Variants in ZFAND5 observed in about 807,000 individuals in gnomAD.
ZFAND5 encodes AN1-type zinc finger protein 5.
ZFAND5 carries 4 observed loss-of-function variants against 23.6 expected under a neutral mutation model. The observed-to-expected ratio is 0.17, with a 90% CI of 0.08 to 0.39. The LOEUF (loss-of-function observed/expected upper bound fraction) is 0.39. Ranked by LOEUF, ZFAND5 falls within the 10% of genes least tolerant of loss-of-function variation. The pLI is 1.00. For synonymous variants in ZFAND5, 68 were observed against 80.6 expected, an observed-to-expected ratio of 0.84 and a Z score of 0.84; for missense variants, 161 against 253.7, an observed-to-expected ratio of 0.63 and a Z score of 2.48.
chr9:72,362,731 T>TC (rs1022164951), intron 2 of ZFAND5, among the ~76,000 whole-genome samples: 1 of 152,176 alleles, frequency 6.6e-6, no homozygotes, highest in Non-Finnish European at 1.5e-5. Context: ...TAGATTTTTT[T>TC]CCCCTAGAAA....
In ZFAND5 at chr9:72,355,341, T is replaced by C. The variant is rs1841914064; in HGVS notation, c.*612A>G. 1 of 152,692 alleles carries C rather than the reference T, an allele frequency of 6.5e-6. No homozygotes were observed. Among genetic ancestry groups the C allele is most frequent in the Non-Finnish European group, 1.5e-5 (1 of 68,068 alleles). 9.5% of individuals were successfully genotyped at this position (152,692 alleles called of 1,614,324 possible). A position where few individuals can be genotyped will look rare whatever the true frequency, so the allele number is the denominator to read the frequency against. On this transcript the variant is annotated 3_prime_UTR_variant, in exon 7 of 7. Transcript: ENST00000376962. ...CTTGATGGTTTTACTTATAACCAGT[T>C]TCGATGTTTACCTTTCACAGAATGT...
In ZFAND5 at chr9:72,360,220, T is replaced by C. The variant is rs2809270; in HGVS notation, c.153A>G (p.Gly51=). 1,591,945 of 1,608,342 alleles carry C rather than the reference T, an allele frequency of 0.99. 789,180 individuals are homozygous for C. The highest frequency in any genetic ancestry group is 1 in the Non-Finnish European group (1,177,795 of 1,177,970). Residue 51 remains glycine, a splice_region_variant and synonymous_variant, in exon 4 of 7, where the codon GGA becomes GGG. Coordinates refer to ENST00000376962, the MANE Select transcript of ZFAND5 (RefSeq NM_001102420.3). ...QQNSGRMSPM[G]TASGSNSPTS... ...TAGGACTGTTGGAACCACTAGCTGT[T>C]CCTATTTAAAAAAAGGATTTGTAAG...
intron 5 of ZFAND5, among the ~76,000 whole-genome samples, chr9:72,358,978 C>T (rs961375718): frequency 5.0e-4 from 3 of 6,040 alleles, no homozygotes; most frequent in Admixed American, 8.3e-3. Context: ...TTTCAAACTC[C>T]CACAAAATAT....
chr9:72,361,921 C>T (rs565991893), intron 2 of ZFAND5, among the ~76,000 whole-genome samples: 1 of 152,170 alleles, frequency 6.6e-6, no homozygotes, highest in Non-Finnish European at 1.5e-5. Context: ...TTTTTTCCAA[C>T]TACATACTAG....
rs143157420 is a variant in ZFAND5, at chr9:72,354,919, A to G, written c.*1034T>C. 1.2e-3 allele frequency: 177 copies of G among 152,770 alleles called. No homozygotes were observed. Among genetic ancestry groups the G allele is most frequent in the African/African-American group, 4.1e-3 (172 of 41,582 alleles). The allele number at this position is 152,770 out of a possible 1,614,324, so 9.5% of individuals were successfully genotyped here. On this transcript the variant is annotated 3_prime_UTR_variant, in exon 7 of 7. Coordinates refer to ENST00000376962, the MANE Select transcript of ZFAND5 (RefSeq NM_001102420.3). ...ACACTAGAGTCCTACACCCAAGTAC[A>G]ATATGATAAAGCAGCCCTCTGCAAG...
rs1439967452 is a variant in ZFAND5 at position 72,359,414 on chromosome 9, A to G, written c.367+4T>C. ...ACTGAACAAGTATTAAATGAAAAACATACCTGGCTCTGACACCTCTGTTTT... is the reference window on the plus strand; with the variant it reads ...ACTGAACAAGTATTAAATGAAAAACGTACCTGGCTCTGACACCTCTGTTTT... On this transcript the variant is annotated splice_donor_region_variant and intron_variant, in intron 5 of 6. Coordinates refer to ENST00000376962, the MANE Select transcript of ZFAND5 (RefSeq NM_001102420.3). The G allele has an allele frequency of 1.9e-5, 31 of 1,611,844 alleles. No individual in the cohort carries two copies. The highest frequency in any genetic ancestry group is 2.6e-5 in the Non-Finnish European group (31 of 1,179,346).
At chr9:72,361,478 C>A (rs764846371) in intron 2 of ZFAND5, among the ~76,000 whole-genome samples, 26 of 152,328 alleles carry the variant, frequency 1.7e-4, no homozygotes, top group Non-Finnish European at 3.5e-4. Flanking sequence ...TGCCTAGGAA[C>A]CTGCAATACA....
Position 72,351,839 on chromosome 9 carries a change from CT to C in ZFAND5, c.*4113del, listed in dbSNP as rs1841781775. Reference sequence around the variant, plus strand: ...ACAGGGGAAACTGTATTTCCAGTTTCTTTTTGTTAACAGCCTGTTGCCTCAC... The same window carrying C: ...ACAGGGGAAACTGTATTTCCAGTTTCTTTTGTTAACAGCCTGTTGCCTCAC... On this transcript the variant is annotated 3_prime_UTR_variant, in exon 7 of 7. Coordinates refer to ENST00000376962, the MANE Select transcript of ZFAND5 (RefSeq NM_001102420.3). 2 of 152,126 alleles carry C rather than the reference CT, an allele frequency of 1.3e-5. No individual in the cohort carries two copies. The highest frequency in any genetic ancestry group is 1.3e-4 in the Admixed American group (2 of 15,280). The allele number at this position is 152,126 out of a possible 1,614,324, so 9.4% of individuals were successfully genotyped here. A position where few individuals can be genotyped will look rare whatever the true frequency, so the allele number is the denominator to read the frequency against.
rs1173924993 is a variant in ZFAND5, at chr9:72,355,186, T to C, written c.*767A>G. 2 of 152,662 alleles carry C rather than the reference T, an allele frequency of 1.3e-5. No individual in the cohort carries two copies. Among genetic ancestry groups the C allele is most frequent in the African/African-American group, 2.4e-5 (1 of 41,466 alleles). The allele number at this position is 152,662 out of a possible 1,614,324, so 9.5% of individuals were successfully genotyped here. A position where few individuals can be genotyped will look rare whatever the true frequency, so the allele number is the denominator to read the frequency against. Reference sequence around the variant, plus strand: ...TGAAAACCAAACGTAGAGTTTAAATTTCTTCTTGTAAACAAATTAATCCTA... The same window carrying C: ...TGAAAACCAAACGTAGAGTTTAAATCTCTTCTTGTAAACAAATTAATCCTA... On this transcript the variant is annotated 3_prime_UTR_variant, in exon 7 of 7. Coordinates refer to ENST00000376962, the MANE Select transcript of ZFAND5 (RefSeq NM_001102420.3).
Position 72,352,907 on chromosome 9 carries a change from G to C in ZFAND5, c.*3046C>G, listed in dbSNP as rs757899326. ...CCTAAAATAACTTGCCCAAAATCACGGGCTGGTTCCAGGGTCCCTCATCTT... is the reference window on the plus strand; with the variant it reads ...CCTAAAATAACTTGCCCAAAATCACCGGCTGGTTCCAGGGTCCCTCATCTT... On this transcript the variant is annotated 3_prime_UTR_variant, in exon 7 of 7. Coordinates refer to ENST00000376962, the MANE Select transcript of ZFAND5 (RefSeq NM_001102420.3). 1 of 152,198 alleles carries C rather than the reference G, an allele frequency of 6.6e-6. No individual in the cohort carries two copies. The highest frequency in any genetic ancestry group is 2.1e-4 in the South Asian group (1 of 4,824). The allele number at this position is 152,198 out of a possible 1,614,324, so 9.4% of individuals were successfully genotyped here.
At chr9:72,364,400 C>A in intron 1 of ZFAND5, 1 of 1,196,650 alleles carries the variant, frequency 8.4e-7, no homozygotes, top group Non-Finnish European at 1.1e-6. Context: ...GGCGCCGCCG[C>A]GGAGGCGAGC....
rs796420032 is a variant in ZFAND5 at position 72,362,975 on chromosome 9, A to C, written c.-10+495T>G. ...CAAGAACTAAGGATGCAGCGTTCAT[A>C]TATCTAACATAAGAAAACAAAAAAA... On this transcript the variant is annotated intron_variant, in intron 2 of 6. Transcript: ENST00000376962. Among the ~76,000 whole-genome samples the C allele has an allele frequency of 2.6e-5, 4 of 152,338 alleles. 1 individual carries two copies. Among genetic ancestry groups the C allele is most frequent in the African/African-American group, 9.6e-5 (4 of 41,572 alleles).
chr9:72,354,031 ATG>A lies in ZFAND5; in HGVS notation c.*1920_*1921del, dbSNP rs1841861149. On this transcript the variant is annotated 3_prime_UTR_variant, in exon 7 of 7. Coordinates refer to ENST00000376962, the MANE Select transcript of ZFAND5 (RefSeq NM_001102420.3). ...ATGTACCTGTCACCCCTTGTTCTTTATGATCTGGCATAAACGCTACAGAGACC... is the reference window on the plus strand; with the variant it reads ...ATGTACCTGTCACCCCTTGTTCTTTAATCTGGCATAAACGCTACAGAGACC... 1.3e-5 allele frequency: 2 copies of A among 152,318 alleles called. No homozygotes were observed. The highest frequency in any genetic ancestry group is 1.9e-4 in the East Asian group (1 of 5,190). The allele number at this position is 152,318 out of a possible 1,614,324, so 9.4% of individuals were successfully genotyped here. A position where few individuals can be genotyped will look rare whatever the true frequency, so the allele number is the denominator to read the frequency against.
intron 4 of ZFAND5, 68 bp downstream of exon 4, chr9:72,360,042 T>C (rs2131980690): frequency 7.6e-7 from 1 of 1,318,264 alleles, no homozygotes; most frequent in Non-Finnish European, 1.1e-6. Context: ...AACTTATTAT[T>C]GGACCAGTAC....
chr9:72,364,315 G>T (rs927228641), intron 1 of ZFAND5: 17 of 921,554 alleles, frequency 1.8e-5, no homozygotes, highest in Admixed American at 5.3e-5. Flanking sequence ...GGAGAGCTAG[G>T]GGGGGCTGCA....
chr9:72,359,578 T>C (rs751554581), intron 4 of ZFAND5, 57 bp from the exon 5 acceptor site: 45 of 1,449,196 alleles, frequency 3.1e-5, no homozygotes, highest in Admixed American at 5.9e-5. Flanking sequence ...CTTGAGACAA[T>C]GAATAAGTTG....
chr9:72,357,087 G>A (rs1286758870), intron 5 of ZFAND5, 31 bp from the exon 6 acceptor site: 5 of 1,596,798 alleles, frequency 3.1e-6, no homozygotes, highest in Non-Finnish European at 3.4e-6. Flanking sequence ...AATTTGTCAA[G>A]CATTCACTGG....
chr9:72,355,820 A>G lies in ZFAND5; in HGVS notation c.*133T>C. On this transcript the variant is annotated 3_prime_UTR_variant, in exon 7 of 7. Coordinates refer to ENST00000376962, the MANE Select transcript of ZFAND5 (RefSeq NM_001102420.3). ...AACACCCAAACATCCTAAAATATCA[A>G]TTATAAGACAGACAAGTGTAATGTA... 1 of 843,560 alleles carries G rather than the reference A, an allele frequency of 1.2e-6. No homozygotes were observed. Among genetic ancestry groups the G allele is most frequent in the Non-Finnish European group, 1.8e-6 (1 of 564,610 alleles). 52.3% of individuals were successfully genotyped at this position (843,560 alleles called of 1,614,324 possible).
chr9:72,357,989 T>G (rs1036770252), intron 5 of ZFAND5, among the ~76,000 whole-genome samples: 1 of 152,124 alleles, frequency 6.6e-6, no homozygotes, highest in African/African-American at 2.4e-5. Flanking sequence ...TGAAACACTA[T>G]AAACTCAGGT....
Sources: allele counts gnomAD v4.1 joint callset (sites outside exome capture counted in the v4.1 genomes callset), GRCh38; gene constraint gnomAD v4.1.1; transcripts MANE v1.5; gene names NCBI Gene and HGNC (gene_info 2026-07-23, HGNC 2026-07-21).